Variants in GSE1 observed in about 807,000 individuals in gnomAD.
The protein encoded by GSE1 is genetic suppressor element 1.
GSE1 carries 32 observed loss-of-function variants against 112.6 expected under a neutral mutation model. The observed-to-expected ratio is 0.28, with a 90% CI of 0.21 to 0.38. The LOEUF (loss-of-function observed/expected upper bound fraction) is 0.38, where lower values mean the gene tolerates loss of function less well. Among genes scored for constraint, GSE1 ranks in the 10% least tolerant of loss-of-function variants. GSE1 has a pLI of 1.00. For missense variants in GSE1, 2,348 were observed against 1,699.2 expected (o/e 1.38, Z -6.71); for synonymous variants, 1,115 against 735.6 (o/e 1.52, Z -8.35).
At chr16:85,456,927 C>T (rs936450798) in intron 2 of GSE1, among the ~76,000 whole-genome samples, 1 of 152,158 alleles carries the variant, frequency 6.6e-6, no homozygotes, top group African/African-American at 2.4e-5. Flanking sequence ...CAGCCCAGGA[C>T]AAAACGGGCC....
intron 1 of GSE1, among the ~76,000 whole-genome samples, chr16:85,590,965 G>T (rs1051227617): frequency 2.6e-5 from 4 of 152,222 alleles, no homozygotes; most frequent in Non-Finnish European, 5.9e-5. Context: ...CTCGGAGCTG[G>T]ACCAGGGACA....
At chr16:85,305,155 C>A (rs542070365) in intron 1 of GSE1, among the ~76,000 whole-genome samples, 2 of 152,334 alleles carry the variant, frequency 1.3e-5, no homozygotes, top group South Asian at 2.1e-4. Flanking sequence ...AGATTCCCCA[C>A]CCCCATGACT....
intron 1 of GSE1, among the ~76,000 whole-genome samples, chr16:85,254,609 C>T (rs768982637): frequency 6.6e-6 from 1 of 152,184 alleles, no homozygotes. Context: ...GGAAATCTCA[C>T]TCCCTGTCCA....
chr16:85,374,137 A>G (rs1172379328), intron 2 of GSE1, among the ~76,000 whole-genome samples: 2 of 149,144 alleles, frequency 1.3e-5, no homozygotes, highest in Non-Finnish European at 3.0e-5. Context: ...GTCAGTGTGC[A>G]TGTGCGTGGT....
At chr16:85,387,588 C>A (rs926298039) in intron 2 of GSE1, among the ~76,000 whole-genome samples, 4 of 152,274 alleles carry the variant, frequency 2.6e-5, no homozygotes, top group African/African-American at 9.6e-5. Flanking sequence ...AGGACATCAC[C>A]TGCTTTCATG....
chr16:85,248,931 G>A (rs953304830), intron 1 of GSE1, among the ~76,000 whole-genome samples: 7 of 152,188 alleles, frequency 4.6e-5, no homozygotes, highest in African/African-American at 1.7e-4. Context: ...GGCAGGTGGA[G>A]TCCTGGAGCT....
At chr16:85,332,444 G>C (rs536107884) in intron 1 of GSE1, among the ~76,000 whole-genome samples, 42 of 152,210 alleles carry the variant, frequency 2.8e-4, no homozygotes, top group Non-Finnish European at 5.1e-4. Context: ...CCACTTTCCA[G>C]ATGGGGTGGC....
chr16:85,655,611 G>A, intron 5 of GSE1, 115 bp from the exon 6 acceptor site: 3 of 653,330 alleles, frequency 4.6e-6, no homozygotes, highest in South Asian at 3.9e-5. Flanking sequence ...CAGCCATTTT[G>A]TCACGTTCCC....
At chr16:85,244,389 G>A (rs373000644) in intron 1 of GSE1, among the ~76,000 whole-genome samples, 1 of 152,196 alleles carries the variant, frequency 6.6e-6, no homozygotes, top group Admixed American at 6.5e-5. Context: ...CCTCCAGAAG[G>A]AGCACAGCCC....
At chr16:85,489,021 G>A (rs11867046) in intron 2 of GSE1, among the ~76,000 whole-genome samples, 4,762 of 152,218 alleles carry the variant, frequency 0.031, 232 homozygotes, top group African/African-American at 0.1. Flanking sequence ...AATTACACCA[G>A]GAGAAGCGGG....
At chr16:85,601,920 C>T (rs922449108) in intron 1 of GSE1, among the ~76,000 whole-genome samples, 5 of 152,150 alleles carry the variant, frequency 3.3e-5, no homozygotes, top group East Asian at 1.9e-4. Flanking sequence ...CTTGATTGTC[C>T]GAGTGACAGT....
intron 1 of GSE1, among the ~76,000 whole-genome samples, chr16:85,328,251 G>C (rs980361274): frequency 2.6e-5 from 4 of 152,220 alleles, no homozygotes; most frequent in Admixed American, 2.0e-4. Flanking sequence ...CCCAGACGGG[G>C]CGAAAGGGCC....
rs2052438709 is a variant in GSE1 at position 85,661,606 on chromosome 16, G to T, written c.2101G>T (p.Glu701Ter). 6.2e-7 allele frequency: 1 copy of T among 1,610,548 alleles called. No homozygotes were observed. Among genetic ancestry groups the T allele is most frequent in the African/African-American group, 1.3e-5 (1 of 74,908 alleles). The change falls in exon 9 of 16, where the codon GAG becomes TAG. Residue 701 changes from glutamate to a stop codon, truncating the protein, a stop_gained. Coordinates refer to ENST00000253458, the MANE Select transcript of GSE1 (RefSeq NM_014615.5). LOFTEE classifies it high-confidence loss of function. ...CCTCCCACAGGCGGCCACCTTCGGG[G>T]AGCTCAGCGGACCCCTGAAGCCTGG... ...ASLPQAATFGELSGPLKPGSP... is the reference protein window; with the variant it reads ...ASLPQAATFG
At chr16:85,504,659 A>G (rs1567543423) in intron 2 of GSE1, among the ~76,000 whole-genome samples, 1 of 152,244 alleles carries the variant, frequency 6.6e-6, no homozygotes, top group East Asian at 1.9e-4. Flanking sequence ...AATTTAAGGA[A>G]AAAAATGGCA....
chr16:85,502,359 C>T (rs902595317), intron 2 of GSE1, among the ~76,000 whole-genome samples: 2 of 152,168 alleles, frequency 1.3e-5, no homozygotes, highest in Admixed American at 6.5e-5. Flanking sequence ...GTGTGTGCCG[C>T]CCTGAGCACC....
intron 2 of GSE1, among the ~76,000 whole-genome samples, chr16:85,533,231 G>A (rs56177832): frequency 0.14 from 20,796 of 149,800 alleles, 1,570 homozygotes; most frequent in Admixed American, 0.2. Context: ...TGACCATGGC[G>A]AAAACCTGTC....
intron 1 of GSE1, among the ~76,000 whole-genome samples, chr16:85,241,194 A>T (rs28467482): frequency 0.072 from 9,973 of 138,984 alleles, 681 homozygotes; most frequent in African/African-American, 0.19. Flanking sequence ...CTCGGCTGCG[A>T]GACCTTGGGC....
At chr16:85,634,175 C>T (rs1454923767) in intron 2 of GSE1, 43 bp downstream of exon 2, 14 of 1,333,028 alleles carry the variant, frequency 1.1e-5, no homozygotes, top group Non-Finnish European at 1.9e-6. Context: ...AGCGGCGGCT[C>T]CCGAGGCCGG....
At chr16:85,615,183 A>G (rs929397156) in intron 1 of GSE1, among the ~76,000 whole-genome samples, 2 of 152,200 alleles carry the variant, frequency 1.3e-5, no homozygotes, top group Non-Finnish European at 2.9e-5. Context: ...CCTGAGGCAC[A>G]GGCTGTGCCT....
Sources: gnomAD v4.1 joint callset for allele counts (sites outside exome capture counted in the v4.1 genomes callset) on GRCh38, gnomAD v4.1.1 for gene constraint, MANE v1.5 for transcripts, NCBI Gene and HGNC (gene_info 2026-07-23, HGNC 2026-07-21) for gene names.